The following KSR2 variants were observed in gnomAD, a reference collection of about 807,000 sequenced individuals.
The protein encoded by KSR2 is kinase suppressor of ras 2.
Under a neutral mutation model 107.8 loss-of-function variants are expected in KSR2, and 25 were observed. The observed-to-expected ratio is 0.23, with a 90% CI of 0.17 to 0.32. KSR2 has a LOEUF of 0.32. KSR2 is among the 10% of genes least tolerant of loss of function. The pLI is 1.00. For missense variants in KSR2, 887 were observed against 1,268.9 expected (o/e 0.70, Z 4.57); for synonymous variants, 480 against 507.0 (o/e 0.95, Z 0.71).
At chr12:117,472,384 G>C (rs1174814374) in intron 17 of KSR2, among the ~76,000 whole-genome samples, 1 of 152,180 alleles carries the variant, frequency 6.6e-6, no homozygotes, top group Non-Finnish European at 1.5e-5. Flanking sequence ...ATAGCAGTGA[G>C]GACCACAGTG....
rs116480802 is a variant in KSR2, at chr12:117,896,069, C to T, written c.181-35638G>A. ...TGAAACTCTGTGTAAAAAACTTGTACGTGAATGTTCATAGTAGCACTATTT... is the reference window on the plus strand; with the variant it reads ...TGAAACTCTGTGTAAAAAACTTGTATGTGAATGTTCATAGTAGCACTATTT... On this transcript the variant is annotated intron_variant, in intron 1 of 19. Coordinates refer to ENST00000339824, the MANE Select transcript of KSR2 (RefSeq NM_173598.6). Among the ~76,000 whole-genome samples the T allele has an allele frequency of 6.5e-3, 982 of 152,222 alleles. 9 individuals carry two copies. Among genetic ancestry groups the T allele is most frequent in the African/African-American group, 0.021 (872 of 41,540 alleles).
At chr12:117,530,418 T>C (rs1343662079) in intron 12 of KSR2, among the ~76,000 whole-genome samples, 2 of 152,190 alleles carry the variant, frequency 1.3e-5, no homozygotes, top group East Asian at 1.9e-4. Flanking sequence ...CCATGCACAA[T>C]ACATTGTAAA....
rs548525844 is a variant in KSR2 at position 117,675,786 on chromosome 12, T to G, written c.987-8128A>C. On this transcript the variant is annotated intron_variant, in intron 4 of 19. Transcript: ENST00000339824. ...CATCTCATTAACTGTGTCTGGAGCA[T>G]CTGGCCCAGCCAATTGGGAGGAAAT... Among the ~76,000 whole-genome samples, 3 of 152,314 alleles carry G rather than the reference T, an allele frequency of 2.0e-5. No individual in the cohort carries two copies. In the South Asian group the frequency reaches 6.2e-4, roughly 32 times the overall value.
chr12:117,607,654 AAGGAG>A lies in KSR2; in HGVS notation c.1172-25300_1172-25296del, dbSNP rs61650091. On this transcript the variant is annotated intron_variant, in intron 5 of 19. Coordinates refer to ENST00000339824, the MANE Select transcript of KSR2 (RefSeq NM_173598.6). ...CACAGACCTCCCGGAGAGGGGAGGA[AAGGAG>A]AGGAGAGGAGAGGAGAGGAGAGGAG... is the stretch of plus-strand genomic sequence containing the variant. Among the ~76,000 whole-genome samples, 551 of 118,142 alleles carry A rather than the reference AAGGAG, an allele frequency of 4.7e-3. 6 individuals are homozygous for A. Among genetic ancestry groups the A allele is most frequent in the African/African-American group, 0.013 (330 of 26,268 alleles). The allele number at this position is 118,142 out of a possible 152,430, so 77.5% of individuals were successfully genotyped here. A position where few individuals can be genotyped will look rare whatever the true frequency, so the allele number is the denominator to read the frequency against.
chr12:117,516,223 C>T (rs911826926), intron 14 of KSR2, among the ~76,000 whole-genome samples: 1 of 152,174 alleles, frequency 6.6e-6, no homozygotes, highest in Non-Finnish European at 1.5e-5. Flanking sequence ...ATGCAGATGA[C>T]TCATACATGG....
rs1245857546 is a variant in KSR2, at chr12:117,462,604, T to G, written c.*4595A>C. 1 of 152,100 alleles carries G rather than the reference T, an allele frequency of 6.6e-6. No individual in the cohort carries two copies. Among genetic ancestry groups the G allele is most frequent in the African/African-American group, 2.4e-5 (1 of 41,398 alleles). 9.4% of individuals were successfully genotyped at this position (152,100 alleles called of 1,614,324 possible). On this transcript the variant is annotated 3_prime_UTR_variant, in exon 20 of 20. Transcript: ENST00000339824. The stretch of plus-strand genomic sequence containing the variant: ...TTTGGACTTCTGGCATCCAGATGGG[T>G]GAGAGATGATACATCTGTTGTTGTA...
At chr12:117,597,063 G>A (rs988462231) in intron 5 of KSR2, among the ~76,000 whole-genome samples, 10 of 151,840 alleles carry the variant, frequency 6.6e-5, no homozygotes, top group Non-Finnish European at 7.4e-5. Flanking sequence ...CGTATCTCCC[G>A]TGCAAGGGCA....
At chr12:117,535,602 A>AG (rs1875988725) in intron 10 of KSR2, among the ~76,000 whole-genome samples, 3 of 112,206 alleles carry the variant, frequency 2.7e-5, no homozygotes, top group East Asian at 5.3e-4. Flanking sequence ...CATTTCCTGG[A>AG]GTTGTGTGTG....
chr12:117,577,899 A>G (rs1432685100), intron 7 of KSR2, among the ~76,000 whole-genome samples: 1 of 152,194 alleles, frequency 6.6e-6, no homozygotes, highest in Non-Finnish European at 1.5e-5. Context: ...TGAAAATACT[A>G]GGGACAGAAA....
Position 117,734,280 on chromosome 12 carries a change from CAAAA to C in KSR2, c.986+26727_986+26730del, listed in dbSNP as rs10541802. ...TGGGCAATAGAGCGAGACTCTGTCT[CAAAA>C]AAAAAAAAAAAAAAAAGAGAGAAAC... is the stretch of plus-strand genomic sequence containing the variant. On this transcript the variant is annotated intron_variant, in intron 4 of 19. Coordinates refer to ENST00000339824, the MANE Select transcript of KSR2 (RefSeq NM_173598.6). Among the ~76,000 whole-genome samples the C allele has an allele frequency of 4.0e-3, 411 of 103,260 alleles. 1 individual carries two copies. Among genetic ancestry groups the C allele is most frequent in the African/African-American group, 0.011 (296 of 27,724 alleles). 67.7% of individuals were successfully genotyped at this position (103,260 alleles called of 152,430 possible). A position where few individuals can be genotyped will look rare whatever the true frequency, so the allele number is the denominator to read the frequency against.
At chr12:117,554,397 C>A (rs1457302529) in intron 9 of KSR2, among the ~76,000 whole-genome samples, 1 of 152,134 alleles carries the variant, frequency 6.6e-6, no homozygotes, top group Non-Finnish European at 1.5e-5. Context: ...CAGAAATAGA[C>A]CCCTATTCCT....
intron 4 of KSR2, among the ~76,000 whole-genome samples, chr12:117,718,149 T>C (rs1887069553): frequency 6.6e-6 from 1 of 152,246 alleles, no homozygotes; most frequent in Non-Finnish European, 1.5e-5. Flanking sequence ...AAAATTACTT[T>C]TATGACTTTC....
chr12:117,727,096 G>T (rs971043169), intron 4 of KSR2, among the ~76,000 whole-genome samples: 1 of 151,998 alleles, frequency 6.6e-6, no homozygotes, highest in Admixed American at 6.6e-5. Flanking sequence ...AGAAAAGAGG[G>T]CTTGTGTGCT....
chr12:117,520,711 CCAA>C (rs1334405705), intron 14 of KSR2, among the ~76,000 whole-genome samples: 1 of 152,224 alleles, frequency 6.6e-6, no homozygotes, highest in East Asian at 1.9e-4. Context: ...TTCTTGTCCT[CCAA>C]CAACACCATG....
chr12:117,484,570 A>G (rs1872352596), intron 15 of KSR2, 21 bp from the exon 16 acceptor site: 1 of 1,612,342 alleles, frequency 6.2e-7, no homozygotes, highest in Admixed American at 1.7e-5. Context: ...CAAGGAACAG[A>G]GAGTTGCCAG....
chr12:117,740,596 A>ATATAT (rs55821849), intron 4 of KSR2, among the ~76,000 whole-genome samples: 73,858 of 132,928 alleles, frequency 0.56, 20,990 homozygotes, highest in South Asian at 0.77. Context: ...TACTATATAC[A>ATATAT]TATATAGATG....
intron 5 of KSR2, among the ~76,000 whole-genome samples, chr12:117,598,105 C>T (rs1880745817): frequency 6.6e-6 from 1 of 152,180 alleles, no homozygotes; most frequent in East Asian, 1.9e-4. Context: ...GGACATTGCA[C>T]CCCATGTGTA....
chr12:117,757,511 G>A (rs1593204482), intron 4 of KSR2, among the ~76,000 whole-genome samples: 1 of 152,194 alleles, frequency 6.6e-6, no homozygotes, highest in East Asian at 1.9e-4. Context: ...AGTTCTACTA[G>A]GCTATCAAAC....
chr12:117,475,108 G>A (rs79851161), intron 17 of KSR2, among the ~76,000 whole-genome samples: 2,549 of 152,150 alleles, frequency 0.017, 67 homozygotes, highest in African/African-American at 0.057. Flanking sequence ...TTGGACACCC[G>A]GCCCCCATCC....
Sources: allele counts gnomAD v4.1 joint callset (sites outside exome capture counted in the v4.1 genomes callset), GRCh38; gene constraint gnomAD v4.1.1; transcripts MANE v1.5; gene names NCBI Gene and HGNC (gene_info 2026-07-23, HGNC 2026-07-21).